Variants in FRAS1 observed in about 807,000 individuals in gnomAD.
FRAS1 encodes extracellular matrix organizing protein FRAS1.
Under a neutral mutation model 435.2 loss-of-function variants are expected in FRAS1, and 290 were observed. The observed-to-expected ratio is 0.67, with a 90% CI of 0.61 to 0.73. The LOEUF (loss-of-function observed/expected upper bound fraction) is 0.73. FRAS1 is among the 30% of genes least tolerant of loss of function. The probability of loss-of-function intolerance (pLI) is 0.00; values close to 1 mark genes in which losing one functional copy is unlikely to be tolerated. For missense variants in FRAS1, 4,860 were observed against 5,001.5 expected (o/e 0.97, Z 0.85); for synonymous variants, 1,800 against 1,851.0 (o/e 0.97, Z 0.71).
intron 33 of FRAS1, among the ~76,000 whole-genome samples, chr4:78,419,671 G>A (rs1219711851): frequency 2.0e-5 from 3 of 152,092 alleles, no homozygotes; most frequent in East Asian, 1.9e-4. Flanking sequence ...TTTCATATTG[G>A]TATAAAGAAA....
rs1560423122 is a variant in FRAS1 at position 78,518,441 on chromosome 4, T to TATAC, written c.10390-887_10390-886insCATA. 5.0e-3 allele frequency among the ~76,000 whole-genome samples: 660 copies of TATAC among 132,138 alleles called. 5 individuals are homozygous for TATAC. The highest frequency in any genetic ancestry group is 9.9e-3 in the African/African-American group (324 of 32,660). 86.7% of individuals were successfully genotyped at this position (132,138 alleles called of 152,430 possible). A position where few individuals can be genotyped will look rare whatever the true frequency, so the allele number is the denominator to read the frequency against. On this transcript the variant is annotated intron_variant, in intron 66 of 73. Coordinates refer to ENST00000512123, the MANE Select transcript of FRAS1 (RefSeq NM_025074.7). ...TGTTGTGTATATATATATATATATA[T>TATAC]ATATATATATATTTATTTATTTATT...
At chr4:78,328,789 G>T (rs1448730552) in intron 18 of FRAS1, among the ~76,000 whole-genome samples, 1 of 152,136 alleles carries the variant, frequency 6.6e-6, no homozygotes, top group Non-Finnish European at 1.5e-5. Context: ...GCACCAAAGG[G>T]CTACTTAAAA....
chr4:78,284,646 G>C, intron 13 of FRAS1, 98 bp downstream of exon 13: 2 of 1,137,034 alleles, frequency 1.8e-6, no homozygotes, highest in Non-Finnish European at 2.5e-6. Context: ...TTGTCAAGGA[G>C]GGGGTCATGC....
chr4:78,495,083 C>T (rs1720473714), intron 59 of FRAS1, among the ~76,000 whole-genome samples: 1 of 152,018 alleles, frequency 6.6e-6, no homozygotes, highest in Non-Finnish European at 1.5e-5. Flanking sequence ...AATTACTAAT[C>T]TTTCATATGC....
chr4:78,142,614 C>G (rs148878977), intron 2 of FRAS1, among the ~76,000 whole-genome samples: 1 of 151,852 alleles, frequency 6.6e-6, no homozygotes, highest in South Asian at 2.1e-4. Context: ...CAGGAAAGGA[C>G]GAAGAGCAAT....
intron 2 of FRAS1, among the ~76,000 whole-genome samples, chr4:78,194,002 A>G (rs1007244639): frequency 1.3e-5 from 2 of 152,160 alleles, no homozygotes; most frequent in African/African-American, 2.4e-5. Context: ...GCTTGTCTCT[A>G]AAGGATTTTA....
intron 2 of FRAS1, among the ~76,000 whole-genome samples, chr4:78,138,347 T>C (rs1473378948): frequency 6.6e-6 from 1 of 152,150 alleles, no homozygotes; most frequent in African/African-American, 2.4e-5. Flanking sequence ...GAGAACTCAG[T>C]TGTTTCTGGA....
At position 78,475,427 on chromosome 4, in the gene FRAS1, T is replaced by C. The variant is rs2109854286; in HGVS notation, c.7683-11T>C. 2 of 1,613,890 alleles carry C rather than the reference T, an allele frequency of 1.2e-6. No homozygotes were observed. The highest frequency in any genetic ancestry group is 1.7e-6 in the Non-Finnish European group (2 of 1,179,782). On this transcript the variant is annotated splice_polypyrimidine_tract_variant and intron_variant, in intron 53 of 73. Transcript: ENST00000512123. Reference sequence around the variant, plus strand: ...GCATAGTTTAAGAGATGCCTTTTTGTGTGCTTCCAGCTACAATGTCAGTGA... The same window carrying C: ...GCATAGTTTAAGAGATGCCTTTTTGCGTGCTTCCAGCTACAATGTCAGTGA...
chr4:78,486,802 C>T (rs1373256332), intron 58 of FRAS1, among the ~76,000 whole-genome samples: 1 of 149,412 alleles, frequency 6.7e-6, no homozygotes, highest in Non-Finnish European at 1.5e-5. Context: ...GAAGATGTGT[C>T]CACTGCCTTT....
At position 78,541,383 on chromosome 4, in the gene FRAS1, T is replaced by C. The variant is rs1357398725; in HGVS notation, c.*259T>C. The C allele has an allele frequency of 1.3e-5, 4 of 307,796 alleles. No homozygotes were observed. Among genetic ancestry groups the C allele is most frequent in the African/African-American group, 8.6e-5 (4 of 46,690 alleles). 19.1% of individuals were successfully genotyped at this position (307,796 alleles called of 1,614,324 possible). On this transcript the variant is annotated 3_prime_UTR_variant, in exon 74 of 74. Transcript: ENST00000512123. The stretch of plus-strand genomic sequence containing the variant: ...TACACAGCTCCTTCTGTAAGGCTGG[T>C]CTTAGAAAACAAGTACTTTAGTATC...
intron 2 of FRAS1, among the ~76,000 whole-genome samples, chr4:78,185,604 A>G (rs1345078916): frequency 6.6e-6 from 1 of 152,178 alleles, no homozygotes; most frequent in Non-Finnish European, 1.5e-5. Flanking sequence ...GCAAGTTGTG[A>G]CCAGACGCCT....
chr4:78,099,151 G>A lies in FRAS1; in HGVS notation c.108+33135G>A, dbSNP rs749365704. 4.6e-5 allele frequency among the ~76,000 whole-genome samples: 7 copies of A among 152,294 alleles called. No individual in the cohort carries two copies. The East Asian group carries it at 5.8e-4, about 13-fold the overall frequency. The stretch of plus-strand genomic sequence containing the variant: ...GTCTCAGCTTTAGAGAGGAGAGGGG[G>A]GGCCATGGGGTGATCGAGGAAGAGC... On this transcript the variant is annotated intron_variant, in intron 2 of 73. Transcript: ENST00000512123.
Position 78,465,391 on chromosome 4 carries a change from G to A in FRAS1, c.7029+808G>A, listed in dbSNP as rs562380042. Among the ~76,000 whole-genome samples, 14 of 152,326 alleles carry A rather than the reference G, an allele frequency of 9.2e-5. No homozygotes were observed. The South Asian group carries it at 2.9e-3, about 32-fold the overall frequency. On this transcript the variant is annotated intron_variant, in intron 49 of 73. Transcript: ENST00000512123. Reference sequence around the variant, plus strand: ...AATAAGTGCTATGCAGAAAAATAAAGGGAGATGAGGGAGATAGAGATTGAT... The same window carrying A: ...AATAAGTGCTATGCAGAAAAATAAAAGGAGATGAGGGAGATAGAGATTGAT...
At chr4:78,168,487 T>C (rs1300414121) in intron 2 of FRAS1, among the ~76,000 whole-genome samples, 1 of 152,016 alleles carries the variant, frequency 6.6e-6, no homozygotes, top group Non-Finnish European at 1.5e-5. Flanking sequence ...TTGGCAAATA[T>C]AAACCTAATC....
At chr4:78,443,508 C>G (rs1056960413) in intron 41 of FRAS1, among the ~76,000 whole-genome samples, 1 of 152,148 alleles carries the variant, frequency 6.6e-6, no homozygotes, top group Non-Finnish European at 1.5e-5. Flanking sequence ...TGGCATGGAG[C>G]CTGAATTCAT....
chr4:78,523,676 A>G (rs928928975), intron 69 of FRAS1, among the ~76,000 whole-genome samples: 1 of 152,200 alleles, frequency 6.6e-6, no homozygotes, highest in Non-Finnish European at 1.5e-5. Flanking sequence ...TTGATCTTAT[A>G]TCAGATATTT....
intron 26 of FRAS1, among the ~76,000 whole-genome samples, chr4:78,378,489 A>T (rs1385152270): frequency 1.3e-5 from 2 of 152,054 alleles, no homozygotes; most frequent in Non-Finnish European, 2.9e-5. Flanking sequence ...TTAATTGAGG[A>T]ACTGTCCAAC....
chr4:78,511,433 A>G lies in FRAS1; in HGVS notation c.9940A>G (p.Arg3314Gly). 1 of 1,613,974 alleles carries G rather than the reference A, an allele frequency of 6.2e-7. No homozygotes were observed. Among genetic ancestry groups the G allele is most frequent in the Non-Finnish European group, 8.5e-7 (1 of 1,179,874 alleles). Residue 3314 changes from arginine to glycine, a missense_variant, in exon 64 of 74, where the codon AGA becomes GGA. Transcript: ENST00000512123. ...CHTPVVAGTS[R>G]GFQAQSFIAT... ...CACACCAGTGGTGGCTGGGACATCC[A>G]GAGGCTTCCAGGCTCAGTCCTTCAT...
At chr4:78,139,986 C>G (rs951598225) in intron 2 of FRAS1, among the ~76,000 whole-genome samples, 1 of 152,064 alleles carries the variant, frequency 6.6e-6, no homozygotes, top group Non-Finnish European at 1.5e-5. Context: ...CTTAGCTGAA[C>G]TTTTTGTGCA....
Sources: gnomAD v4.1 joint callset for allele counts (sites outside exome capture counted in the v4.1 genomes callset) on GRCh38, gnomAD v4.1.1 for gene constraint, MANE v1.5 for transcripts, NCBI Gene and HGNC (gene_info 2026-07-23, HGNC 2026-07-21) for gene names.